Variants in ARAP2 observed in about 807,000 individuals in gnomAD.
ARAP2 encodes ArfGAP with RhoGAP domain, ankyrin repeat and PH domain 2.
Under a neutral mutation model 194.5 loss-of-function variants are expected in ARAP2, and 148 were observed. The ratio of observed to expected loss-of-function variants is 0.76; its 90% CI spans 0.67 to 0.87. ARAP2 has a LOEUF of 0.87. Ranked by LOEUF, ARAP2 falls within the 40% of genes least tolerant of loss-of-function variation. The pLI, the probability that ARAP2 is intolerant of heterozygous loss-of-function variation, is 0.00. For synonymous variants in ARAP2, 695 were observed against 683.5 expected, an observed-to-expected ratio of 1.02 and a Z score of -0.26; for missense variants, 2,128 against 1,989.7, an observed-to-expected ratio of 1.07 and a Z score of -1.32.
intron 15 of ARAP2, among the ~76,000 whole-genome samples, chr4:36,156,510 G>GGA (rs1732574393): frequency 6.9e-6 from 1 of 143,986 alleles, no homozygotes; most frequent in Non-Finnish European, 1.5e-5. Flanking sequence ...AGGAAGGAGG[G>GGA]AGGAAGGAAG....
intron 22 of ARAP2, among the ~76,000 whole-genome samples, chr4:36,122,239 T>C (rs61798149): frequency 0.3 from 45,718 of 151,496 alleles, 8,150 homozygotes; most frequent in East Asian, 0.47. Context: ...GACAGAAATA[T>C]CATTCAACCC....
chr4:36,061,740 T>A (rs1187906064), downstream of ARAP2, among the ~76,000 whole-genome samples: 2 of 152,176 alleles, frequency 1.3e-5, no homozygotes, highest in Non-Finnish European at 2.9e-5. Flanking sequence ...GAACCTCCCA[T>A]TGTTCTCCAT....
chr4:36,103,943 C>T (rs956280719), intron 27 of ARAP2, among the ~76,000 whole-genome samples: 2 of 151,750 alleles, frequency 1.3e-5, no homozygotes, highest in Admixed American at 1.3e-4. Flanking sequence ...GAAAACATAA[C>T]GTCAAGCAAA....
chr4:36,170,085 A>T (rs1736254986), intron 9 of ARAP2, among the ~76,000 whole-genome samples: 1 of 152,190 alleles, frequency 6.6e-6, no homozygotes, highest in African/African-American at 2.4e-5. Context: ...CACAAAAATT[A>T]CCTGTGGTGA....
intron 2 of ARAP2, among the ~76,000 whole-genome samples, chr4:36,215,856 A>C (rs1747823521): frequency 6.6e-6 from 1 of 151,718 alleles, no homozygotes; most frequent in Non-Finnish European, 1.5e-5. Flanking sequence ...TCTCAAAAAA[A>C]AAAACAAAAA....
intron 2 of ARAP2, among the ~76,000 whole-genome samples, chr4:36,056,335 C>A (rs1723507233): frequency 6.6e-6 from 1 of 152,128 alleles, no homozygotes; most frequent in Non-Finnish European, 1.5e-5. Flanking sequence ...ACCCTTGAAG[C>A]TTACCATTTT....
chr4:36,131,535 T>A (rs544597273), intron 20 of ARAP2, among the ~76,000 whole-genome samples: 2 of 151,716 alleles, frequency 1.3e-5, no homozygotes. Flanking sequence ...AGTGAAGGCA[T>A]CTTGTAATAG....
At chr4:36,212,784 T>C (rs1359267321) in intron 4 of ARAP2, among the ~76,000 whole-genome samples, 1 of 151,970 alleles carries the variant, frequency 6.6e-6, no homozygotes, top group Non-Finnish European at 1.5e-5. Flanking sequence ...TTCATTTTTG[T>C]CTTCCAACTT....
Position 36,213,447 on chromosome 4 carries a change from C to T in ARAP2, c.965-128G>A. ...ACGTAAGCTTTATTCTGTAAGAGTC[C>T]AAATTATGCTAATTCTTATCCCCAA... On this transcript the variant is annotated intron_variant, in intron 3 of 32. Coordinates refer to ENST00000303965, the MANE Select transcript of ARAP2 (RefSeq NM_015230.4). 4 of 629,632 alleles carry T rather than the reference C, an allele frequency of 6.4e-6. No homozygotes were observed. In the East Asian group the frequency reaches 1.2e-4, roughly 19 times the overall value. 39.0% of individuals were successfully genotyped at this position (629,632 alleles called of 1,614,324 possible).
At position 36,228,922 on chromosome 4, in the gene ARAP2, G is replaced by A. The variant is rs1312761558; in HGVS notation, c.565C>T (p.His189Tyr). 10 of 1,613,702 alleles carry A rather than the reference G, an allele frequency of 6.2e-6. No individual in the cohort carries two copies. Among genetic ancestry groups the A allele is most frequent in the African/African-American group, 4.0e-5 (3 of 74,914 alleles). Residue 189 changes from histidine (H) to tyrosine (Y), a missense_variant, in exon 2 of 33, where the codon CAC (histidine) becomes TAC (tyrosine). His to Tyr is a moderately conservative substitution (Grantham distance 83). Coordinates refer to ENST00000303965, the MANE Select transcript of ARAP2 (RefSeq NM_015230.4). ...TCTGTTTGTTGTTCTTCAACTGTGT[G>A]ATCCACAGTCTTCTTTGTAATCAAT... ...ESLITKKTVD[H>Y]TVEEQQTEKV...
At chr4:36,018,122 T>C (rs1218018227) in intron 6 of ARAP2, among the ~76,000 whole-genome samples, 2 of 152,134 alleles carry the variant, frequency 1.3e-5, no homozygotes, top group African/African-American at 4.8e-5. Context: ...AAGTTTAAAA[T>C]GTTTTAAGTC....
chr4:36,239,928 G>A (rs1329808022), intron 1 of ARAP2, among the ~76,000 whole-genome samples: 1 of 152,080 alleles, frequency 6.6e-6, no homozygotes, highest in East Asian at 1.9e-4. Context: ...CACCACATTC[G>A]TGAGGCTTCC....
At chr4:36,244,108 C>T (rs1754143935) in intron 1 of ARAP2, 71 bp downstream of exon 1, 1 of 152,256 alleles carries the variant, frequency 6.6e-6, no homozygotes, top group African/African-American at 2.4e-5. Context: ...GCCCCAGCCC[C>T]TCCAGACAGG....
chr4:36,236,828 T>G (rs565031878), intron 1 of ARAP2, among the ~76,000 whole-genome samples: 229 of 152,334 alleles, frequency 1.5e-3, no homozygotes, highest in Middle Eastern at 6.8e-3. Context: ...AAAGTGACTA[T>G]GACATTCTGC....
At chr4:36,205,455 T>C (rs1276833229) in intron 6 of ARAP2, among the ~76,000 whole-genome samples, 8 of 152,212 alleles carry the variant, frequency 5.3e-5, no homozygotes, top group Admixed American at 4.6e-4. Flanking sequence ...ACATTTAAAC[T>C]ATGTGCTTTT....
intron 24 of ARAP2, among the ~76,000 whole-genome samples, chr4:36,117,838 TA>T (rs1249649793): frequency 6.6e-6 from 1 of 151,420 alleles, no homozygotes; most frequent in Non-Finnish European, 1.5e-5. Flanking sequence ...AGCCTGAAAA[TA>T]AAAGGCCTTA....
chr4:36,059,988 T>C (rs968584224), intron 1 of ARAP2, among the ~76,000 whole-genome samples: 3 of 151,954 alleles, frequency 2.0e-5, no homozygotes, highest in Non-Finnish European at 4.4e-5. Flanking sequence ...TAATGAAGAG[T>C]CTTGCTGCAA....
At chr4:36,120,114 C>A (rs1419081773) in intron 23 of ARAP2, among the ~76,000 whole-genome samples, 3 of 151,374 alleles carry the variant, frequency 2.0e-5, no homozygotes, top group Non-Finnish European at 4.4e-5. Context: ...TGAAGATAAC[C>A]ATTTTATTAA....
chr4:36,034,933 T>A (rs1376361708), intron 5 of ARAP2, among the ~76,000 whole-genome samples: 1 of 152,072 alleles, frequency 6.6e-6, no homozygotes, highest in Non-Finnish European at 1.5e-5. Flanking sequence ...ATCCCAAGGT[T>A]GCCTATTCAA....
Sources: gnomAD v4.1 joint callset for allele counts (sites outside exome capture counted in the v4.1 genomes callset) on GRCh38, gnomAD v4.1.1 for gene constraint, MANE v1.5 for transcripts, NCBI Gene and HGNC (gene_info 2026-07-23, HGNC 2026-07-21) for gene names.